Variants in WDR70 observed in about 807,000 individuals in gnomAD.
The protein encoded by WDR70 is WD repeat-containing protein 70.
In WDR70, 53 loss-of-function variants were observed where a neutral mutation model predicts 88.6. The ratio of observed to expected loss-of-function variants is 0.60; its 90% CI spans 0.48 to 0.75. WDR70 has a LOEUF of 0.75. Among genes scored for constraint, WDR70 ranks in the 30% least tolerant of loss-of-function variants. The probability of loss-of-function intolerance (pLI) is 0.00; values close to 1 mark genes in which losing one functional copy is unlikely to be tolerated. For missense variants in WDR70, 610 were observed against 823.2 expected (o/e 0.74, Z 3.17); for synonymous variants, 280 against 270.0 (o/e 1.04, Z -0.36).
At chr5:37,556,013 CCAGCCAA>C (rs1422318623) in intron 9 of WDR70, among the ~76,000 whole-genome samples, 1 of 152,132 alleles carries the variant, frequency 6.6e-6, no homozygotes, top group Non-Finnish European at 1.5e-5. Context: ...GCTATTGCAC[CCAGCCAA>C]TGTTCAGTTT....
chr5:37,712,933 C>T (rs2112680776), intron 13 of WDR70, among the ~76,000 whole-genome samples: 1 of 152,220 alleles, frequency 6.6e-6, no homozygotes, highest in African/African-American at 2.4e-5. Flanking sequence ...AACCCCCAAT[C>T]TCAGGTGATC....
chr5:37,585,100 C>T (rs1743329140), intron 9 of WDR70, among the ~76,000 whole-genome samples: 1 of 151,142 alleles, frequency 6.6e-6, no homozygotes, highest in Non-Finnish European at 1.5e-5. Context: ...AAGTGATTCT[C>T]CTGCCTCAAC....
chr5:37,534,203 C>T (rs897115750), intron 9 of WDR70, among the ~76,000 whole-genome samples: 1 of 152,220 alleles, frequency 6.6e-6, no homozygotes, highest in African/African-American at 2.4e-5. Context: ...CTACACACTG[C>T]TCTGCCTGTC....
At chr5:37,474,980 A>G (rs894084750) in intron 7 of WDR70, among the ~76,000 whole-genome samples, 22 of 146,972 alleles carry the variant, frequency 1.5e-4, no homozygotes, top group African/African-American at 5.1e-4. Flanking sequence ...GTGCAGTGGC[A>G]TGATCTCAGC....
intron 9 of WDR70, among the ~76,000 whole-genome samples, chr5:37,549,589 A>G (rs1029702496): frequency 1.3e-5 from 2 of 152,176 alleles, no homozygotes; most frequent in African/African-American, 4.8e-5. Context: ...GCAAACAAGG[A>G]TAATTTTACT....
Position 37,479,973 on chromosome 5 carries a change from A to C in WDR70, c.826A>C (p.Met276Leu). The C allele has an allele frequency of 6.2e-7, 1 of 1,613,170 alleles. No individual in the cohort carries two copies. The highest frequency in any genetic ancestry group is 8.5e-7 in the Non-Finnish European group (1 of 1,179,714). Reference sequence around the variant, plus strand: ...AAAAGGAGACCAGTATATTGTGGACATGGCCAACACCAAGGTAAGCATTAA... The same window carrying C: ...AAAAGGAGACCAGTATATTGTGGACCTGGCCAACACCAAGGTAAGCATTAA... ...CIKGDQYIVD[M>L]ANTKGHTAML... The change falls in exon 8 of 18, where the codon ATG (methionine) becomes CTG (leucine). Residue 276 changes from methionine to leucine, a missense_variant. Physicochemically the swap from Met to Leu is conservative, Grantham distance 15 (BLOSUM62 2). This residue lies in a region of WDR70 where 83 missense variants were observed against 155.3 expected (regional missense o/e 0.53). Transcript: ENST00000265107.
At chr5:37,415,883 G>A (rs1486370877) in intron 5 of WDR70, among the ~76,000 whole-genome samples, 1 of 147,860 alleles carries the variant, frequency 6.8e-6, no homozygotes, top group Non-Finnish European at 1.5e-5. Context: ...GGGCGGCGGG[G>A]CAGAGACGCT....
At position 37,702,979 on chromosome 5, in the gene WDR70, G is replaced by A. The variant is rs1335967266; in HGVS notation, c.1308G>A (p.Lys436=). 1.2e-6 allele frequency: 2 copies of A among 1,613,334 alleles called. No homozygotes were observed. The highest frequency in any genetic ancestry group is 1.1e-5 in the South Asian group (1 of 91,034). ...MTDCCFSPDD[K]LIVTGTSIQR... is the part of the protein sequence containing the mutation. Reference sequence around the variant, plus strand: ...ACTGCTGTTTCAGTCCAGATGATAAGCTCATAGTCACTGGTACATCTATTC... The same window carrying A: ...ACTGCTGTTTCAGTCCAGATGATAAACTCATAGTCACTGGTACATCTATTC... The change falls in exon 13 of 18, where the codon AAG becomes AAA. Residue 436 remains lysine, a synonymous_variant. Coordinates refer to ENST00000265107, the MANE Select transcript of WDR70 (RefSeq NM_018034.4).
At position 37,570,072 on chromosome 5, in the gene WDR70, G is replaced by A. The variant is rs549798998; in HGVS notation, c.918-34992G>A. Among the ~76,000 whole-genome samples the A allele has an allele frequency of 8.5e-5, 13 of 152,236 alleles. No homozygotes were observed. The East Asian group carries it at 2.3e-3, about 27-fold the overall frequency. ...AGACTGAAAGGAAGCAACACTAGAG[G>A]CAGGGAGGCCAATTAGGAGGGCATT... is the stretch of plus-strand genomic sequence containing the variant. On this transcript the variant is annotated intron_variant, in intron 9 of 17. Coordinates refer to ENST00000265107, the MANE Select transcript of WDR70 (RefSeq NM_018034.4).
chr5:37,593,474 T>A (rs956828536), intron 9 of WDR70, among the ~76,000 whole-genome samples: 3 of 152,226 alleles, frequency 2.0e-5, no homozygotes, highest in African/African-American at 7.2e-5. Context: ...GCAAAGGACA[T>A]GAACTCATCC....
At chr5:37,574,086 G>A (rs1742987297) in intron 9 of WDR70, among the ~76,000 whole-genome samples, 1 of 152,200 alleles carries the variant, frequency 6.6e-6, no homozygotes, top group Non-Finnish European at 1.5e-5. Context: ...TGGAAGTTGA[G>A]AGGGGTGGAA....
intron 3 of WDR70, among the ~76,000 whole-genome samples, chr5:37,390,325 C>A (rs1193368096): frequency 2.1e-5 from 3 of 143,232 alleles, no homozygotes; most frequent in Non-Finnish European, 4.5e-5. Flanking sequence ...ATAGACAGAG[C>A]AGCCTATAAT....
At chr5:37,712,773 C>T (rs1475790851) in intron 13 of WDR70, among the ~76,000 whole-genome samples, 1 of 152,104 alleles carries the variant, frequency 6.6e-6, no homozygotes, top group Non-Finnish European at 1.5e-5. Flanking sequence ...GTGATCTCAG[C>T]TCACTGCAAC....
intron 9 of WDR70, among the ~76,000 whole-genome samples, chr5:37,601,042 A>G (rs1743866617): frequency 6.6e-6 from 1 of 152,200 alleles, no homozygotes; most frequent in Non-Finnish European, 1.5e-5. Flanking sequence ...TTTCATTCCT[A>G]ATTGACTCCA....
At position 37,617,571 on chromosome 5, in the gene WDR70, G is replaced by T. The variant is rs539366844; in HGVS notation, c.1092+12333G>T. 1.2e-4 allele frequency among the ~76,000 whole-genome samples: 19 copies of T among 152,320 alleles called. No homozygotes were observed. The South Asian group carries it at 3.9e-3, about 32-fold the overall frequency. On this transcript the variant is annotated intron_variant, in intron 10 of 17. Transcript: ENST00000265107. ...GGAGTGGGTGAAGTAGGTAATCTAT[G>T]CCTTGCCTAAGTTGGCTAAGGACAG...
At chr5:37,554,029 ACAG>A (rs1462040129) in intron 9 of WDR70, among the ~76,000 whole-genome samples, 1 of 152,136 alleles carries the variant, frequency 6.6e-6, no homozygotes, top group African/African-American at 2.4e-5. Flanking sequence ...TGTTTTAACA[ACAG>A]CCTTCCACAG....
intron 10 of WDR70, among the ~76,000 whole-genome samples, chr5:37,650,082 G>T (rs1205468316): frequency 1.3e-5 from 2 of 149,340 alleles, no homozygotes; most frequent in Non-Finnish European, 3.0e-5. Flanking sequence ...AGGGGTTGTA[G>T]AACACTGTTA....
chr5:37,606,210 A>T (rs1744026278), intron 10 of WDR70, among the ~76,000 whole-genome samples: 1 of 152,204 alleles, frequency 6.6e-6, no homozygotes, highest in South Asian at 2.1e-4. Context: ...AAGGTTAAAA[A>T]GTGTTGATAG....
intron 9 of WDR70, among the ~76,000 whole-genome samples, chr5:37,600,321 A>T (rs896581626): frequency 1.3e-5 from 2 of 152,064 alleles, no homozygotes; most frequent in African/African-American, 4.8e-5. Context: ...ATGTCAGGAG[A>T]TCGAGACCAT....
Sources: gnomAD v4.1 joint callset for allele counts (sites outside exome capture counted in the v4.1 genomes callset) on GRCh38, gnomAD v4.1.1 for gene constraint, gnomAD v4.1.1 regional missense constraint, MANE v1.5 for transcripts, NCBI Gene and HGNC (gene_info 2026-07-23, HGNC 2026-07-21) for gene names.